The following NIPSNAP2 variants were observed in gnomAD, a reference collection of about 807,000 sequenced individuals.
NIPSNAP2 encodes nipsnap homolog 2.
NIPSNAP2 carries 42 observed loss-of-function variants against 48.4 expected under a neutral mutation model. The observed-to-expected ratio is 0.87, with a 90% confidence interval of 0.68 to 1.12. The LOEUF (loss-of-function observed/expected upper bound fraction) is 1.12, where lower values mean the gene tolerates loss of function less well. Among genes scored for constraint, NIPSNAP2 ranks in the 50% most tolerant of loss-of-function variants. NIPSNAP2 has a pLI of 0.00. For synonymous variants in NIPSNAP2, 158 were observed against 126.6 expected (o/e 1.25, Z -1.67); for missense variants, 314 against 347.3 (o/e 0.90, Z 0.76).
intron 1 of NIPSNAP2, among the ~76,000 whole-genome samples, chr7:55,969,748 CCAA>C (rs1786976184): frequency 1.3e-5 from 2 of 152,014 alleles, no homozygotes; most frequent in Non-Finnish European, 2.9e-5. Flanking sequence ...CTTTGGGAGG[CCAA>C]GGTGGGCGAA....
rs1465042318 is a variant in NIPSNAP2 at position 55,966,743 on chromosome 7, C to T, written c.92+2042C>T. ...GTTGCAGTGAGCCGAGATCATGCCACTGCGTTCCAGCCTAGGTGACAGAGC... is the reference window on the plus strand; with the variant it reads ...GTTGCAGTGAGCCGAGATCATGCCATTGCGTTCCAGCCTAGGTGACAGAGC... On this transcript the variant is annotated intron_variant, in intron 1 of 9. Transcript: ENST00000322090. 2.6e-5 allele frequency among the ~76,000 whole-genome samples: 4 copies of T among 152,162 alleles called. No homozygotes were observed. In the South Asian group the frequency reaches 8.3e-4, roughly 32 times the overall value.
At chr7:55,986,055 T>TAAAATA (rs972128160) in intron 7 of NIPSNAP2, among the ~76,000 whole-genome samples, 2 of 151,454 alleles carry the variant, frequency 1.3e-5, no homozygotes, top group Non-Finnish European at 2.9e-5. Context: ...TTCAAAAAAA[T>TAAAATA]AAAATAAAAA....
Position 55,999,124 on chromosome 7 carries a change from G to A in NIPSNAP2, c.*52G>A, listed in dbSNP as rs764561517. ...TACATTTCTGTGACAAGTATTTGTC[G>A]TAAATTAATTTTAATTGTGTATCAA... is the stretch of plus-strand genomic sequence containing the variant. On this transcript the variant is annotated 3_prime_UTR_variant, in exon 10 of 10. Coordinates refer to ENST00000322090, the MANE Select transcript of NIPSNAP2 (RefSeq NM_001483.3). 1.5e-5 allele frequency: 22 copies of A among 1,436,732 alleles called. No individual in the cohort carries two copies. The highest frequency in any genetic ancestry group is 4.6e-5 in the East Asian group (2 of 43,928). 89.0% of individuals were successfully genotyped at this position (1,436,732 alleles called of 1,614,324 possible). A position where few individuals can be genotyped will look rare whatever the true frequency, so the allele number is the denominator to read the frequency against.
chr7:55,986,834 A>T (rs1262730301), intron 7 of NIPSNAP2, among the ~76,000 whole-genome samples: 2 of 151,934 alleles, frequency 1.3e-5, no homozygotes, highest in African/African-American at 4.8e-5. Context: ...TAACTCAATT[A>T]AAAAATGGGT....
intron 1 of NIPSNAP2, among the ~76,000 whole-genome samples, chr7:55,968,772 TC>T (rs1270658466): frequency 6.6e-6 from 1 of 152,118 alleles, no homozygotes; most frequent in Middle Eastern, 3.2e-3. Flanking sequence ...ACACCTGTAA[TC>T]CTAGCACTGT....
chr7:55,989,685 A>G (rs1465837909), intron 7 of NIPSNAP2, among the ~76,000 whole-genome samples: 3 of 152,144 alleles, frequency 2.0e-5, no homozygotes, highest in Non-Finnish European at 4.4e-5. Flanking sequence ...GGTTAGCTGA[A>G]GTCAGTGCCT....
chr7:55,991,544 C>T (rs998517029), intron 7 of NIPSNAP2, among the ~76,000 whole-genome samples: 1 of 151,894 alleles, frequency 6.6e-6, no homozygotes, highest in South Asian at 2.1e-4. Context: ...GTCAGAAGTT[C>T]GAGACCAGCC....
intron 8 of NIPSNAP2, among the ~76,000 whole-genome samples, chr7:55,996,639 G>A (rs115437256): frequency 0.014 from 2,099 of 152,274 alleles, 51 homozygotes; most frequent in African/African-American, 0.046. Flanking sequence ...CTCATCTGTG[G>A]TCTCACAGTT....
intron 3 of NIPSNAP2, 159 bp downstream of exon 3, chr7:55,978,554 G>A (rs1348641910): frequency 1.6e-5 from 11 of 685,204 alleles, no homozygotes; most frequent in African/African-American, 5.4e-5. Context: ...TGGGATTGCC[G>A]AAGGCGTTTT....
intron 7 of NIPSNAP2, among the ~76,000 whole-genome samples, chr7:55,991,314 T>G (rs1787439280): frequency 6.6e-6 from 1 of 152,174 alleles, no homozygotes; most frequent in South Asian, 2.1e-4. Context: ...TTTTTGTTCT[T>G]TTGTTTTTGG....
intron 8 of NIPSNAP2, among the ~76,000 whole-genome samples, chr7:55,996,598 A>T (rs1334307931): frequency 6.6e-6 from 1 of 152,186 alleles, no homozygotes; most frequent in African/African-American, 2.4e-5. Flanking sequence ...GTAGTGCGAG[A>T]TAAATGTTGA....
chr7:55,979,768 T>G, intron 3 of NIPSNAP2: 1 of 456,552 alleles, frequency 2.2e-6, no homozygotes, highest in South Asian at 1.5e-5. Context: ...AGCAGCTCCC[T>G]GTTTGCAGAA....
chr7:55,968,384 CT>C lies in NIPSNAP2; in HGVS notation c.92+3699del, dbSNP rs558409351. Among the ~76,000 whole-genome samples the C allele has an allele frequency of 2.6e-3, 368 of 139,850 alleles. 1 individual carries two copies. Among genetic ancestry groups the C allele is most frequent in the African/African-American group, 3.8e-3 (147 of 38,392 alleles). 91.7% of individuals were successfully genotyped at this position (139,850 alleles called of 152,430 possible). On this transcript the variant is annotated intron_variant, in intron 1 of 9. Coordinates refer to ENST00000322090, the MANE Select transcript of NIPSNAP2 (RefSeq NM_001483.3). ...TATCATTATGTCCAAACTCTACTTT[CT>C]TTTTTTTTTTTTTTTCCTGAGACAG...
chr7:55,988,380 G>A (rs1424669137), intron 7 of NIPSNAP2, among the ~76,000 whole-genome samples: 1 of 152,112 alleles, frequency 6.6e-6, no homozygotes, highest in African/African-American at 2.4e-5. Context: ...AACCTTCTTA[G>A]TCATTATGGA....
chr7:55,993,255 C>G (rs28583345), intron 7 of NIPSNAP2, among the ~76,000 whole-genome samples: 2 of 150,078 alleles, frequency 1.3e-5, no homozygotes, highest in Non-Finnish European at 3.0e-5. Flanking sequence ...GCCGAGATCC[C>G]GCCACTGCAC....
chr7:55,997,158 GAAA>G (rs34739025), intron 8 of NIPSNAP2, among the ~76,000 whole-genome samples: 5 of 112,296 alleles, frequency 4.5e-5, no homozygotes, highest in East Asian at 2.6e-4. Context: ...CCTTGTCTCA[GAAA>G]AAAAAAAAAA....
Position 55,972,009 on chromosome 7 carries a change from A to G in NIPSNAP2, c.93-6117A>G, listed in dbSNP as rs192173932. ...CTGTTTAATGAACTTAAAATCTAAAATAAACACAGAAATTGGCTGGGCACA... is the reference window on the plus strand; with the variant it reads ...CTGTTTAATGAACTTAAAATCTAAAGTAAACACAGAAATTGGCTGGGCACA... On this transcript the variant is annotated intron_variant, in intron 1 of 9. Transcript: ENST00000322090. Among the ~76,000 whole-genome samples the G allele has an allele frequency of 1.3e-4, 20 of 152,318 alleles. No homozygotes were observed. The East Asian group carries it at 3.7e-3, about 28-fold the overall frequency.
chr7:55,964,711 G>T lies in NIPSNAP2; in HGVS notation c.92+10G>T. 8.9e-7 allele frequency: 1 copy of T among 1,118,340 alleles called. No individual in the cohort carries two copies. Among genetic ancestry groups the T allele is most frequent in the Non-Finnish European group, 1.1e-6 (1 of 914,458 alleles). The allele number at this position is 1,118,340 out of a possible 1,614,324, so 69.3% of individuals were successfully genotyped here. A position where few individuals can be genotyped will look rare whatever the true frequency, so the allele number is the denominator to read the frequency against. ...TCCTGCCCAGGCTCCGGTGAGCAGC[G>T]CCGCCCTTCCCGGGAGGTGCCGGGG... On this transcript the variant is annotated intron_variant, in intron 1 of 9. Coordinates refer to ENST00000322090, the MANE Select transcript of NIPSNAP2 (RefSeq NM_001483.3).
At chr7:55,994,451 G>A (rs1047975278) in intron 7 of NIPSNAP2, among the ~76,000 whole-genome samples, 7 of 152,150 alleles carry the variant, frequency 4.6e-5, no homozygotes, top group South Asian at 4.1e-4. Flanking sequence ...GGTGGCTCAC[G>A]CCTATAATCC....
Sources: allele counts gnomAD v4.1 joint callset (sites outside exome capture counted in the v4.1 genomes callset), GRCh38; gene constraint gnomAD v4.1.1; transcripts MANE v1.5; gene names NCBI Gene and HGNC (gene_info 2026-07-23, HGNC 2026-07-21).